The following FAAH2 variants were observed in gnomAD, a reference collection of about 807,000 sequenced individuals.
FAAH2 encodes the protein fatty acid amide hydrolase 2.
In FAAH2, 60 loss-of-function variants were observed where a neutral mutation model predicts 36.9. The ratio of observed to expected loss-of-function variants is 1.63; its 90% CI spans 1.32 to 2.02. The LOEUF (loss-of-function observed/expected upper bound fraction) is 2.02, where lower values mean the gene tolerates loss of function less well. Ranked by LOEUF, FAAH2 falls within the 30% of genes most tolerant of loss-of-function variation. FAAH2 has a pLI of 0.00. For missense variants in FAAH2, 689 were observed against 397.5 expected (o/e 1.73, Z -6.23); for synonymous variants, 214 against 143.8 (o/e 1.49, Z -3.49).
At chrX:57,148,753 T>C in the FAAH2 span, among the ~76,000 whole-genome samples, 4 of 111,525 alleles carry the variant, frequency 3.6e-5, no homozygotes, top group Non-Finnish European at 7.5e-5. Context: ...GCCCTTTATT[T>C]CCTTCTCCTG....
chrX:57,148,614 C>T, the FAAH2 span, among the ~76,000 whole-genome samples: 5 of 111,524 alleles, frequency 4.5e-5, no homozygotes, highest in African/African-American at 1.6e-4. Flanking sequence ...TGATTTTGTA[C>T]CCTGAGACTT....
chrX:57,418,865 C>T (rs1023374213), intron 7 of FAAH2, among the ~76,000 whole-genome samples: 2 of 89,674 alleles, frequency 2.2e-5, no homozygotes, highest in African/African-American at 8.2e-5. Context: ...TGCTATCCTT[C>T]CCCCCTCCCC....
chrX:57,219,059 G>A, the FAAH2 span, among the ~76,000 whole-genome samples: 1 of 111,776 alleles, frequency 8.9e-6, no homozygotes, highest in Non-Finnish European at 1.9e-5. Flanking sequence ...GATAGCAGAG[G>A]CAGAAAAATA....
At chrX:57,201,444 G>A in the FAAH2 span, among the ~76,000 whole-genome samples, 1 of 107,870 alleles carries the variant, frequency 9.3e-6, no homozygotes, top group Non-Finnish European at 1.9e-5. Context: ...AAAAAAAAAA[G>A]AAGTCTGTCT....
intron 10 of FAAH2, among the ~76,000 whole-genome samples, chrX:57,487,021 T>G (rs1395795943): frequency 9.0e-6 from 1 of 111,610 alleles, no homozygotes; most frequent in Non-Finnish European, 1.9e-5. Flanking sequence ...TTCAAGACAG[T>G]TCAATGAAGA....
At chrX:57,164,562 G>A in the FAAH2 span, among the ~76,000 whole-genome samples, 1 of 111,804 alleles carries the variant, frequency 8.9e-6, no homozygotes, top group African/African-American at 3.3e-5. Context: ...AAAGGAGGCT[G>A]GTCCAATTCC....
At chrX:57,416,381 C>A (rs951163076) in intron 7 of FAAH2, among the ~76,000 whole-genome samples, 1 of 110,552 alleles carries the variant, frequency 9.0e-6, no homozygotes, top group African/African-American at 3.3e-5. Flanking sequence ...TTTTCCTTTC[C>A]ATGTTTAGTG....
intron 6 of FAAH2, 104 bp downstream of exon 6, chrX:57,378,890 T>C: frequency 1.0e-6 from 1 of 953,559 alleles, no homozygotes; most frequent in African/African-American, 2.0e-5. Context: ...AAGCAAATAA[T>C]TTTTACAGGT....
At position 57,331,714 on chromosome X, in the gene FAAH2, A is replaced by G; in HGVS notation, c.529A>G (p.Ser177Gly). 1.7e-6 allele frequency: 2 copies of G among 1,211,235 alleles called. No homozygotes were observed. The highest frequency in any genetic ancestry group is 2.2e-6 in the Non-Finnish European group (2 of 895,234). ...CATTCCTCTTGGCATAACCAACTGT[A>G]GTGAGTTGTGTATGTGGTATGAATC... ...GAIPLGITNC[S>G]ELCMWYESSN... is the part of the protein sequence containing the mutation. The change falls in exon 4 of 11, where the codon AGT becomes GGT. Residue 177 changes from serine (S) to glycine (G), a missense_variant. Ser to Gly is a moderately conservative substitution (Grantham distance 56). Transcript: ENST00000374900.
At chrX:57,429,397 CA>C (rs750431291) in intron 7 of FAAH2, among the ~76,000 whole-genome samples, 46 of 108,161 alleles carry the variant, frequency 4.3e-4, no homozygotes, top group African/African-American at 1.5e-3. Flanking sequence ...CAGACTTTTT[CA>C]AAAGAAGACA....
At chrX:57,235,110 G>A in the FAAH2 span, among the ~76,000 whole-genome samples, 1 of 110,854 alleles carries the variant, frequency 9.0e-6, no homozygotes, top group Non-Finnish European at 1.9e-5. Flanking sequence ...CAGGTGTGTA[G>A]CAGTGGTGTA....
chrX:57,378,805 A>T lies in FAAH2; in HGVS notation c.878+19A>T, dbSNP rs770315395. 3.3e-5 allele frequency: 39 copies of T among 1,184,854 alleles called. No homozygotes were observed. The highest frequency in any genetic ancestry group is 4.2e-5 in the Non-Finnish European group (37 of 881,180). On this transcript the variant is annotated intron_variant, in intron 6 of 10. Transcript: ENST00000374900. ...TCAAAAGGTATGTTCATTTATTTTT[A>T]TTTCCTTGGACTCTTATCCTGACAT...
At chrX:57,411,366 T>C (rs1421758945) in intron 7 of FAAH2, among the ~76,000 whole-genome samples, 2 of 111,658 alleles carry the variant, frequency 1.8e-5, no homozygotes, top group African/African-American at 6.5e-5. Flanking sequence ...CATATGCTAT[T>C]TATTGTTCTC....
At chrX:57,463,530 A>G (rs188599754) in intron 10 of FAAH2, among the ~76,000 whole-genome samples, 159 of 111,480 alleles carry the variant, frequency 1.4e-3, no homozygotes, top group Middle Eastern at 9.3e-3. Context: ...CTGATCATCG[A>G]CAAACCTGAC....
the FAAH2 span, among the ~76,000 whole-genome samples, chrX:57,210,358 C>T: frequency 2.4e-4 from 27 of 111,769 alleles, no homozygotes; most frequent in South Asian, 7.2e-3. Context: ...CATGACCATA[C>T]GCACGACAAT....
chrX:57,468,476 C>T (rs1239119515), intron 10 of FAAH2, among the ~76,000 whole-genome samples: 3 of 111,664 alleles, frequency 2.7e-5, no homozygotes, highest in Middle Eastern at 8.4e-3. Flanking sequence ...CTGATTTGAT[C>T]AAACGGAAGA....
At chrX:57,383,772 C>G (rs1335557357) in intron 7 of FAAH2, among the ~76,000 whole-genome samples, 3 of 111,786 alleles carry the variant, frequency 2.7e-5, no homozygotes, top group Non-Finnish European at 5.6e-5. Flanking sequence ...AGATTCAATG[C>G]CATCCCTATC....
the FAAH2 span, among the ~76,000 whole-genome samples, chrX:57,265,095 G>A: frequency 9.0e-6 from 1 of 111,482 alleles, no homozygotes; most frequent in South Asian, 3.9e-4. Flanking sequence ...CTTCTATGGA[G>A]CTTTGCAAAC....
At chrX:57,399,350 G>A (rs1421273661) in intron 7 of FAAH2, among the ~76,000 whole-genome samples, 1 of 111,803 alleles carries the variant, frequency 8.9e-6, no homozygotes, top group Non-Finnish European at 1.9e-5. Flanking sequence ...CTAAGTGAAA[G>A]GTTTGGTGAA....
Sources: allele counts gnomAD v4.1 joint callset (sites outside exome capture counted in the v4.1 genomes callset), GRCh38; gene constraint gnomAD v4.1.1; transcripts MANE v1.5; gene names NCBI Gene and HGNC (gene_info 2026-07-23, HGNC 2026-07-21).